The following STK32C variants were observed in gnomAD, a reference collection of about 807,000 sequenced individuals.
STK32C encodes serine/threonine-protein kinase 32C.
A neutral mutation model predicts 56.5 loss-of-function variants in STK32C; 31 were observed. The observed-to-expected ratio is 0.55, with a 90% CI of 0.41 to 0.74. STK32C has a LOEUF of 0.74. Ranked by LOEUF, STK32C falls within the 30% of genes least tolerant of loss-of-function variation. The pLI is 0.00. For synonymous variants in STK32C, 309 were observed against 289.4 expected, an observed-to-expected ratio of 1.07 and a Z score of -0.69; for missense variants, 544 against 676.9, an observed-to-expected ratio of 0.80 and a Z score of 2.18.
intron 1 of STK32C, among the ~76,000 whole-genome samples, chr10:132,259,871 G>A (rs370193669): frequency 2.0e-5 from 3 of 152,316 alleles, no homozygotes; most frequent in South Asian, 2.1e-4. Flanking sequence ...TCACAGGGCC[G>A]GTTGCCTGAA....
downstream of STK32C, among the ~76,000 whole-genome samples, chr10:132,321,761 G>T (rs887028084): frequency 2.6e-5 from 4 of 152,158 alleles, no homozygotes; most frequent in African/African-American, 9.7e-5. Flanking sequence ...GGAGGCGGAG[G>T]GTTGGTCATT....
At chr10:132,287,434 G>A (rs1286221986) in intron 1 of STK32C, among the ~76,000 whole-genome samples, 1 of 149,598 alleles carries the variant, frequency 6.7e-6, no homozygotes, top group Non-Finnish European at 1.5e-5. Flanking sequence ...AGGCTACAGT[G>A]AGCCGAGATC....
intron 1 of STK32C, among the ~76,000 whole-genome samples, chr10:132,252,931 C>T (rs1162794151): frequency 1.3e-5 from 2 of 152,188 alleles, no homozygotes; most frequent in South Asian, 2.1e-4. Flanking sequence ...GAGAAACCAA[C>T]ACCAGCCCCC....
chr10:132,247,876 G>A (rs1353174260), intron 1 of STK32C, among the ~76,000 whole-genome samples: 1 of 152,152 alleles, frequency 6.6e-6, no homozygotes, highest in African/African-American at 2.4e-5. Flanking sequence ...TTGACGGAGG[G>A]GGTGGGGCTT....
chr10:132,283,750 G>A (rs1451960466), intron 1 of STK32C, among the ~76,000 whole-genome samples: 5 of 152,106 alleles, frequency 3.3e-5, no homozygotes, highest in Admixed American at 1.3e-4. Context: ...ATACACGTCC[G>A]ACTCCGCTGC....
chr10:132,267,521 G>C (rs1454080714), intron 1 of STK32C, among the ~76,000 whole-genome samples: 5 of 149,338 alleles, frequency 3.3e-5, no homozygotes, highest in Non-Finnish European at 3.0e-5. Flanking sequence ...GTGTGTGTCA[G>C]TGTGTGTGCA....
At position 132,288,601 on chromosome 10, in the gene STK32C, G is replaced by A. The variant is rs148565815; in HGVS notation, c.262+18971C>T. ...TCATTAAATCTCAACCTTAAAATGT[G>A]TGAATTTTATGTAAATTAGACTTCA... On this transcript the variant is annotated intron_variant, in intron 1 of 11. Transcript: ENST00000298630. Among the ~76,000 whole-genome samples, 8 of 152,262 alleles carry A rather than the reference G, an allele frequency of 5.3e-5. No individual in the cohort carries two copies. The East Asian group carries it at 1.3e-3, about 26-fold the overall frequency.
chr10:132,256,563 G>A (rs2064131568), intron 1 of STK32C, among the ~76,000 whole-genome samples: 1 of 152,226 alleles, frequency 6.6e-6, no homozygotes, highest in Admixed American at 6.5e-5. Flanking sequence ...CAGTGCCTGA[G>A]ACCGCAGGAG....
chr10:132,245,154 T>C (rs554507323), intron 2 of STK32C, among the ~76,000 whole-genome samples: 1 of 152,270 alleles, frequency 6.6e-6, no homozygotes, highest in East Asian at 1.9e-4. Context: ...TAAAAAGGGC[T>C]TATGGGGCTT....
intron 1 of STK32C, among the ~76,000 whole-genome samples, chr10:132,250,688 A>G (rs2063871963): frequency 6.6e-6 from 1 of 152,158 alleles, no homozygotes; most frequent in Non-Finnish European, 1.5e-5. Context: ...GGTGTGTGTG[A>G]GGTGCCCGGG....
upstream of STK32C, chr10:132,331,965 C>T (rs1397513955): frequency 1.0e-5 from 5 of 502,474 alleles, no homozygotes; most frequent in African/African-American, 2.1e-5. Context: ...GCGCACCACA[C>T]CCCGCCCCCT....
chr10:132,224,615 C>A lies in STK32C; in HGVS notation c.877-92G>T, dbSNP rs560582965. On this transcript the variant is annotated intron_variant, in intron 7 of 11. Coordinates refer to ENST00000298630, the MANE Select transcript of STK32C (RefSeq NM_173575.4). ...CACAGGTGCCATCGCCCTGAGAGGA[C>A]CCCCTCCCCCCACCCCAAGTGCAGG... is the stretch of plus-strand genomic sequence containing the variant. 5.6e-6 allele frequency: 5 copies of A among 885,088 alleles called. No individual in the cohort carries two copies. The East Asian group carries it at 7.9e-5, about 14-fold the overall frequency. 54.8% of individuals were successfully genotyped at this position (885,088 alleles called of 1,614,324 possible).
At chr10:132,231,926 CA>C (rs1428578909) in intron 2 of STK32C, among the ~76,000 whole-genome samples, 1 of 152,266 alleles carries the variant, frequency 6.6e-6, no homozygotes, top group Admixed American at 6.5e-5. Context: ...TGCCAGGTCT[CA>C]GGCTTCCCAT....
chr10:132,254,258 A>G (rs7911774), intron 1 of STK32C, among the ~76,000 whole-genome samples: 92,999 of 151,980 alleles, frequency 0.61, 28,945 homozygotes, highest in East Asian at 0.76. Context: ...GCAGTGAGCC[A>G]AGATCGCGCC....
intron 2 of STK32C, among the ~76,000 whole-genome samples, chr10:132,230,673 A>T (rs2063060917): frequency 3.1e-5 from 1 of 32,542 alleles, no homozygotes; most frequent in Non-Finnish European, 6.6e-5. Context: ...CTGGGGGGGA[A>T]GCTGGCGGGG....
intron 2 of STK32C, among the ~76,000 whole-genome samples, chr10:132,241,623 G>A (rs1011372468): frequency 6.6e-6 from 1 of 152,196 alleles, no homozygotes; most frequent in Non-Finnish European, 1.5e-5. Context: ...TCAGAAGTCC[G>A]TGTGGAAAAA....
rs368393558 is a variant in STK32C, at chr10:132,226,666, A to C, written c.644+129T>G. 6.7e-5 allele frequency: 74 copies of C among 1,104,608 alleles called. 2 individuals carry two copies. The African/African-American group carries it at 1.1e-3, about 16-fold the overall frequency. 68.4% of individuals were successfully genotyped at this position (1,104,608 alleles called of 1,614,324 possible). A position where few individuals can be genotyped will look rare whatever the true frequency, so the allele number is the denominator to read the frequency against. The stretch of plus-strand genomic sequence containing the variant: ...GTGCCACAGCTGGGGGCAGGCACTC[A>C]GGCAAGGGTGGGGCAGAGGAGCTAG... On this transcript the variant is annotated intron_variant, in intron 4 of 11. Transcript: ENST00000298630.
At chr10:132,321,832 C>G (rs549492405), downstream of STK32C, among the ~76,000 whole-genome samples, 1 of 152,166 alleles carries the variant, frequency 6.6e-6, no homozygotes, top group Non-Finnish European at 1.5e-5. Flanking sequence ...TGTGCTTTCT[C>G]CCGTCCTGGC....
intron 1 of STK32C, among the ~76,000 whole-genome samples, chr10:132,283,182 C>T (rs549150505): frequency 2.3e-4 from 35 of 152,268 alleles, no homozygotes; most frequent in Non-Finnish European, 4.3e-4. Flanking sequence ...CCAGGGACTG[C>T]GCCAGTCCTC....
Sources: allele counts gnomAD v4.1 joint callset (sites outside exome capture counted in the v4.1 genomes callset), GRCh38; gene constraint gnomAD v4.1.1; transcripts MANE v1.5; gene names NCBI Gene and HGNC (gene_info 2026-07-23, HGNC 2026-07-21).